Variants in HERC4 observed in about 807,000 individuals in gnomAD.
HERC4 encodes the protein probable E3 ubiquitin-protein ligase HERC4.
In HERC4, 28 loss-of-function variants were observed where a neutral mutation model predicts 124.3. That is an observed-to-expected ratio of 0.23 (90% CI 0.17 to 0.31). The LOEUF (loss-of-function observed/expected upper bound fraction) is 0.31. Ranked by LOEUF, HERC4 falls within the 10% of genes least tolerant of loss-of-function variation. HERC4 has a pLI of 1.00. For missense variants in HERC4, 713 were observed against 1,229.3 expected (o/e 0.58, Z 6.28); for synonymous variants, 407 against 421.5 (o/e 0.97, Z 0.42).
Position 68,059,862 on chromosome 10 carries a change from TTA to T in HERC4, c.226+13019_226+13020del, listed in dbSNP as rs1420783577. On this transcript the variant is annotated intron_variant, in intron 3 of 24. Transcript: ENST00000373700. ...TTATAATATATTATATATCATAATA[TTA>T]TATATTATAATAATATTATATATCA... Among the ~76,000 whole-genome samples, 6 of 75,556 alleles carry T rather than the reference TTA, an allele frequency of 7.9e-5. 1 individual carries two copies. The highest frequency in any genetic ancestry group is 6.5e-5 in the Non-Finnish European group (3 of 46,048). 49.6% of individuals were successfully genotyped at this position (75,556 alleles called of 152,430 possible).
chr10:67,965,771 T>G (rs1236233861), intron 16 of HERC4: 2 of 152,228 alleles, frequency 1.3e-5, no homozygotes, highest in African/African-American at 4.8e-5. Flanking sequence ...CCTTCTATTA[T>G]ATAACTGCTG....
chr10:67,992,391 C>A (rs2036600678), intron 10 of HERC4, 68 bp from the exon 11 acceptor site: 2 of 1,551,948 alleles, frequency 1.3e-6, no homozygotes, highest in Admixed American at 1.9e-5. Context: ...CAAGAAATTC[C>A]CACCATATAT....
chr10:68,014,619 T>C (rs1393804834), intron 8 of HERC4, among the ~76,000 whole-genome samples: 4 of 152,178 alleles, frequency 2.6e-5, no homozygotes, highest in Non-Finnish European at 5.9e-5. Flanking sequence ...AGTAATCTAG[T>C]ACCAATCAGA....
intron 1 of HERC4, chr10:68,074,702 TCA>T (rs1332828708): frequency 1.3e-5 from 2 of 152,356 alleles, no homozygotes; most frequent in Admixed American, 6.5e-5. Flanking sequence ...CGCAACAGCT[TCA>T]GAGGCCGGCG....
intron 15 of HERC4, among the ~76,000 whole-genome samples, chr10:67,987,464 C>G (rs752064875): frequency 1.3e-5 from 2 of 152,128 alleles, no homozygotes; most frequent in Non-Finnish European, 2.9e-5. Flanking sequence ...AAGAAACAAT[C>G]TAATTAATCT....
At chr10:68,034,504 TTTTTA>T (rs1488606278) in intron 5 of HERC4, among the ~76,000 whole-genome samples, 5 of 152,192 alleles carry the variant, frequency 3.3e-5, no homozygotes, top group African/African-American at 1.2e-4. Flanking sequence ...TCAAGTCTCA[TTTTTA>T]TTTTATAGTT....
At position 68,052,204 on chromosome 10, in the gene HERC4, C is replaced by T. The variant is rs80052502; in HGVS notation, c.227-7641G>A. ...AAAGTGCTAGACAGATGAAACATATCCACTTTGTAGATAACGACTTCGAAT... is the reference window on the plus strand; with the variant it reads ...AAAGTGCTAGACAGATGAAACATATTCACTTTGTAGATAACGACTTCGAAT... On this transcript the variant is annotated intron_variant, in intron 3 of 24. Transcript: ENST00000373700. Among the ~76,000 whole-genome samples the T allele has an allele frequency of 2.6e-5, 4 of 152,222 alleles. No homozygotes were observed. In the East Asian group the frequency reaches 7.7e-4, roughly 29 times the overall value.
At chr10:67,955,192 C>T (rs1358043464) in intron 17 of HERC4, 62 bp from the exon 18 acceptor site, 2 of 1,413,528 alleles carry the variant, frequency 1.4e-6, no homozygotes, top group South Asian at 1.3e-5. Flanking sequence ...GTGACTGAAA[C>T]AAGCTAACCT....
At chr10:67,960,521 G>C (rs1465733134) in intron 16 of HERC4, among the ~76,000 whole-genome samples, 1 of 152,112 alleles carries the variant, frequency 6.6e-6, no homozygotes, top group African/African-American at 2.4e-5. Context: ...GAGTAGCTGG[G>C]ATTATAGGCA....
At chr10:67,953,918 C>T (rs1316433374) in intron 19 of HERC4, among the ~76,000 whole-genome samples, 1 of 152,154 alleles carries the variant, frequency 6.6e-6, no homozygotes, top group East Asian at 1.9e-4. Context: ...GACAGCCAAC[C>T]TCCAGGCAGA....
intron 8 of HERC4, among the ~76,000 whole-genome samples, chr10:68,019,907 C>T (rs887745863): frequency 6.6e-6 from 1 of 152,218 alleles, no homozygotes; most frequent in Non-Finnish European, 1.5e-5. Flanking sequence ...CTCTCCCATT[C>T]TGGCTAAAGA....
At chr10:68,052,073 A>G (rs2040343314) in intron 3 of HERC4, among the ~76,000 whole-genome samples, 1 of 152,222 alleles carries the variant, frequency 6.6e-6, no homozygotes. Context: ...TCTTCAAGAA[A>G]AAAAAAGAGA....
intron 3 of HERC4, among the ~76,000 whole-genome samples, chr10:68,063,674 A>T (rs578206930): frequency 1.6e-4 from 25 of 152,350 alleles, no homozygotes; most frequent in Non-Finnish European, 3.5e-4. Flanking sequence ...GTGGTGGCTC[A>T]CACCTGTAAA....
At chr10:67,983,005 G>A (rs1435796167) in intron 15 of HERC4, among the ~76,000 whole-genome samples, 1 of 150,464 alleles carries the variant, frequency 6.6e-6, no homozygotes, top group African/African-American at 2.5e-5. Flanking sequence ...GCGTGGGCCT[G>A]TAGTCCCAGT....
chr10:67,993,831 G>A (rs1463958946), intron 9 of HERC4: 1 of 151,624 alleles, frequency 6.6e-6, no homozygotes, highest in Non-Finnish European at 1.5e-5. Context: ...CAAAAATATT[G>A]CTTGGCTAGT....
At chr10:67,949,931 A>T (rs965722085) in intron 19 of HERC4, among the ~76,000 whole-genome samples, 1 of 152,104 alleles carries the variant, frequency 6.6e-6, no homozygotes, top group Non-Finnish European at 1.5e-5. Flanking sequence ...AGGCAAGAGA[A>T]TCGCTTGAAC....
At position 67,932,640 on chromosome 10, in the gene HERC4, A is replaced by G; in HGVS notation, c.2795T>C (p.Met932Thr). The G allele has an allele frequency of 6.2e-7, 1 of 1,610,932 alleles. No homozygotes were observed. The highest frequency in any genetic ancestry group is 8.5e-7 in the Non-Finnish European group (1 of 1,179,074). The change falls in exon 23 of 25, where the codon ATG becomes ACG. Residue 932 changes from methionine to threonine, a missense_variant. Coordinates refer to ENST00000373700, the MANE Select transcript of HERC4 (RefSeq NM_015601.4). ...ATCATAATTTGTATTTCCAATGACC[A>G]TTGCTTGTAGTTCATTAGGCTGAAA... ...LLFQPNELQAMVIGNTNYDWK... is the reference protein window; with the variant it reads ...LLFQPNELQATVIGNTNYDWK...
chr10:67,956,629 A>G, intron 17 of HERC4: 2 of 267,386 alleles, frequency 7.5e-6, no homozygotes, highest in Non-Finnish European at 1.4e-5. Context: ...ATATTTCTGT[A>G]ATGAAAGAGG....
At chr10:68,045,432 G>C (rs2039972320) in intron 3 of HERC4, among the ~76,000 whole-genome samples, 1 of 152,220 alleles carries the variant, frequency 6.6e-6, no homozygotes, top group Admixed American at 6.5e-5. Flanking sequence ...GATATGGTGA[G>C]TAGAGAACTG....
Sources: allele counts gnomAD v4.1 joint callset (sites outside exome capture counted in the v4.1 genomes callset), GRCh38; gene constraint gnomAD v4.1.1; transcripts MANE v1.5; gene names NCBI Gene and HGNC (gene_info 2026-07-23, HGNC 2026-07-21).